The following ZNF423 variants were observed in gnomAD, a reference collection of about 807,000 sequenced individuals.
ZNF423 encodes Ebf-associated zinc finger protein.
A neutral mutation model predicts 95.8 loss-of-function variants in ZNF423; 12 were observed. The observed-to-expected ratio is 0.13, with a 90% CI of 0.08 to 0.20. The LOEUF (loss-of-function observed/expected upper bound fraction) is 0.20. Ranked by LOEUF, ZNF423 falls within the 10% of genes least tolerant of loss-of-function variation. The pLI, the probability that ZNF423 is intolerant of heterozygous loss-of-function variation, is 1.00. For missense variants in ZNF423, 1,316 were observed against 1,737.1 expected (o/e 0.76, Z 4.31); for synonymous variants, 749 against 711.9 (o/e 1.05, Z -0.83).
intron 5 of ZNF423, among the ~76,000 whole-genome samples, chr16:49,527,895 A>T (rs1968676846): frequency 6.6e-6 from 1 of 152,064 alleles, no homozygotes; most frequent in South Asian, 2.1e-4. Context: ...GCCTGCCCTG[A>T]CTATTCCAGT....
intron 1 of ZNF423, among the ~76,000 whole-genome samples, chr16:49,825,577 AAG>A (rs1170387855): frequency 6.6e-6 from 1 of 152,164 alleles, no homozygotes; most frequent in Non-Finnish European, 1.5e-5. Context: ...AGCTTGGAAG[AAG>A]CAGGAAGGAA....
chr16:49,705,205 A>T (rs1055794526), intron 3 of ZNF423, among the ~76,000 whole-genome samples: 5 of 152,194 alleles, frequency 3.3e-5, no homozygotes, highest in African/African-American at 1.2e-4. Context: ...CATTCAACAG[A>T]GTCAAGGCCC....
chr16:49,856,721 G>A (rs2035375008), upstream of ZNF423, among the ~76,000 whole-genome samples: 1 of 147,682 alleles, frequency 6.8e-6, no homozygotes, highest in South Asian at 2.1e-4. Context: ...GCCGGCAGGC[G>A]CGCCCGTGCC....
chr16:49,518,551 C>T (rs1052499216), intron 7 of ZNF423: 1 of 436,444 alleles, frequency 2.3e-6, no homozygotes, highest in Non-Finnish European at 4.5e-6. Flanking sequence ...CAGCAGCTTT[C>T]ACATCAGTTA....
At chr16:49,597,938 C>G (rs138359756) in intron 5 of ZNF423, among the ~76,000 whole-genome samples, 8 of 152,308 alleles carry the variant, frequency 5.3e-5, no homozygotes, top group South Asian at 2.1e-4. Context: ...CTACCTTCCC[C>G]GCATCCTCTC....
At chr16:49,631,682 G>A (rs1379518822) in intron 4 of ZNF423, among the ~76,000 whole-genome samples, 1 of 152,206 alleles carries the variant, frequency 6.6e-6, no homozygotes, top group East Asian at 1.9e-4. Context: ...GGGCAGGGAA[G>A]AAATGGCCAG....
At chr16:49,510,848 C>T (rs12924422) in intron 7 of ZNF423, among the ~76,000 whole-genome samples, 62,636 of 152,182 alleles carry the variant, frequency 0.41, 13,349 homozygotes, top group African/African-American at 0.52. Context: ...GGGTTCGGCT[C>T]GCCACACACA....
At chr16:49,563,571 G>A (rs1044184335) in intron 5 of ZNF423, among the ~76,000 whole-genome samples, 2 of 152,226 alleles carry the variant, frequency 1.3e-5, no homozygotes, top group African/African-American at 4.8e-5. Flanking sequence ...TATAGTCAAG[G>A]AAAGTGGGGC....
At chr16:49,589,342 T>G (rs1291261539) in intron 5 of ZNF423, among the ~76,000 whole-genome samples, 1 of 152,202 alleles carries the variant, frequency 6.6e-6, no homozygotes, top group Non-Finnish European at 1.5e-5. Context: ...TAAACATGAT[T>G]TCTTCCTCCT....
Position 49,659,388 on chromosome 16 carries a change from G to A in ZNF423, c.302-20514C>T, listed in dbSNP as rs144451289. 5.9e-5 allele frequency among the ~76,000 whole-genome samples: 9 copies of A among 152,308 alleles called. No individual in the cohort carries two copies. The East Asian group carries it at 7.7e-4, about 13-fold the overall frequency. On this transcript the variant is annotated intron_variant, in intron 3 of 7. Transcript: ENST00000563137. Reference sequence around the variant, plus strand: ...ATTGCAGGCGTGAGCCACTGTGCTCGGCCGTTTTACTATTTAATGCATTTA... The same window carrying A: ...ATTGCAGGCGTGAGCCACTGTGCTCAGCCGTTTTACTATTTAATGCATTTA...
chr16:49,514,298 C>G (rs1474298057), intron 7 of ZNF423, among the ~76,000 whole-genome samples: 3 of 151,962 alleles, frequency 2.0e-5, no homozygotes, highest in Admixed American at 6.6e-5. Context: ...CACAGTACAG[C>G]GTTTTCACAT....
chr16:49,653,845 A>C (rs2151906981), intron 3 of ZNF423, among the ~76,000 whole-genome samples: 1 of 152,262 alleles, frequency 6.6e-6, no homozygotes, highest in South Asian at 2.1e-4. Context: ...CTACCTGTTT[A>C]TATTTGAGTG....
chr16:49,858,617 GC>G (rs1181271552), upstream of ZNF423, among the ~76,000 whole-genome samples: 1 of 151,372 alleles, frequency 6.6e-6, no homozygotes, highest in Admixed American at 6.6e-5. This position sits in a 1 kb window ranked among gnomAD's most constrained non-coding sequence, Gnocchi z 4.3. Context: ...CTTGAGGGCC[GC>G]CCCTCCCCAG....
In ZNF423 at chr16:49,605,258, A is replaced by T. The variant is rs1971501976; in HGVS notation, c.3601+20912T>A. On this transcript the variant is annotated intron_variant, in intron 5 of 7. Coordinates refer to ENST00000563137, the MANE Select transcript of ZNF423 (RefSeq NM_001379286.1). ...ATGCTTGTTGGCTACCCAGATTTCCAGGCCTCCTCACACCCAAGTTCCATC... is the reference window on the plus strand; with the variant it reads ...ATGCTTGTTGGCTACCCAGATTTCCTGGCCTCCTCACACCCAAGTTCCATC... Among the ~76,000 whole-genome samples, 3 of 152,300 alleles carry T rather than the reference A, an allele frequency of 2.0e-5. No individual in the cohort carries two copies. In the South Asian group the frequency reaches 6.2e-4, roughly 32 times the overall value.
chr16:49,659,852 G>A (rs2030111018), intron 3 of ZNF423, among the ~76,000 whole-genome samples: 1 of 152,188 alleles, frequency 6.6e-6, no homozygotes, highest in Non-Finnish European at 1.5e-5. Context: ...GTCTGCCACA[G>A]GCAGCTCCAC....
intron 2 of ZNF423, among the ~76,000 whole-genome samples, chr16:49,744,613 C>T (rs2033485492): frequency 6.6e-6 from 1 of 150,952 alleles, no homozygotes; most frequent in Admixed American, 6.6e-5. Context: ...TCAGACCCCC[C>T]AGCCAGTGAC....
intron 1 of ZNF423, among the ~76,000 whole-genome samples, chr16:49,823,650 A>T: frequency 6.6e-6 from 1 of 151,982 alleles, no homozygotes; most frequent in East Asian, 1.9e-4. Context: ...TGTTGGGGGA[A>T]AAAAAAAGGA....
chr16:49,795,180 T>C (rs1249462368), intron 1 of ZNF423, among the ~76,000 whole-genome samples: 1 of 152,206 alleles, frequency 6.6e-6, no homozygotes, highest in Non-Finnish European at 1.5e-5. Flanking sequence ...CCCAAATTTT[T>C]AATCAATAAG....
At chr16:49,827,724 C>T (rs1167784192) in intron 1 of ZNF423, among the ~76,000 whole-genome samples, 1 of 152,156 alleles carries the variant, frequency 6.6e-6, no homozygotes, top group Non-Finnish European at 1.5e-5. Context: ...GTCTATGTTG[C>T]CTGGGCTGGT....
Sources: gnomAD v4.1 joint callset for allele counts (sites outside exome capture counted in the v4.1 genomes callset) on GRCh38, gnomAD v4.1.1 for gene constraint, Gnocchi (gnomAD v3.1) non-coding constraint, MANE v1.5 for transcripts, NCBI Gene and HGNC (gene_info 2026-07-23, HGNC 2026-07-21) for gene names.